Variants in ABAT observed in about 807,000 individuals in gnomAD.
ABAT encodes 4-aminobutyrate aminotransferase, mitochondrial.
ABAT carries 45 observed loss-of-function variants against 64.6 expected under a neutral mutation model. The ratio of observed to expected loss-of-function variants is 0.70; its 90% CI spans 0.55 to 0.89. The LOEUF (loss-of-function observed/expected upper bound fraction) is 0.89, where lower values mean the gene tolerates loss of function less well. Ranked by LOEUF, ABAT falls within the 40% of genes least tolerant of loss-of-function variation. ABAT has a pLI of 0.00. For synonymous variants in ABAT, 297 were observed against 250.5 expected (o/e 1.19, Z -1.75); for missense variants, 633 against 658.4 (o/e 0.96, Z 0.42).
At chr16:8,721,857 A>T (rs1271047255) in intron 1 of ABAT, among the ~76,000 whole-genome samples, 1 of 152,202 alleles carries the variant, frequency 6.6e-6, no homozygotes, top group East Asian at 1.9e-4. Context: ...CATTTTAATC[A>T]AAAGAAAAAG....
intron 1 of ABAT, among the ~76,000 whole-genome samples, chr16:8,688,186 C>A (rs201529015): frequency 6.6e-6 from 1 of 151,950 alleles, no homozygotes; most frequent in Non-Finnish European, 1.5e-5. Context: ...CCACCGCACC[C>A]GGCCAAAAGT....
At chr16:8,744,158 CA>C (rs948990149) in intron 2 of ABAT, among the ~76,000 whole-genome samples, 1 of 150,422 alleles carries the variant, frequency 6.6e-6, no homozygotes, top group East Asian at 1.9e-4. Context: ...CGCAATGCTA[CA>C]AAAAAAAATA....
At chr16:8,757,051 C>T in intron 5 of ABAT, 1 of 405,590 alleles carries the variant, frequency 2.5e-6, no homozygotes, top group South Asian at 1.8e-5. Flanking sequence ...AGATTTGACT[C>T]AGCCCATGGG....
chr16:8,722,936 G>T, intron 1 of ABAT: 1 of 1,168,856 alleles, frequency 8.6e-7, no homozygotes, highest in South Asian at 1.3e-5. Flanking sequence ...GTCCGAACGG[G>T]CCTTAGAAAC....
chr16:8,742,376 A>G (rs2059188321), intron 2 of ABAT, among the ~76,000 whole-genome samples: 1 of 152,196 alleles, frequency 6.6e-6, no homozygotes, highest in Non-Finnish European at 1.5e-5. Context: ...AAAAGAAAGG[A>G]GGACGCGTGT....
At chr16:8,699,865 G>A (rs1448372267) in intron 1 of ABAT, among the ~76,000 whole-genome samples, 1 of 152,072 alleles carries the variant, frequency 6.6e-6, no homozygotes, top group African/African-American at 2.4e-5. Flanking sequence ...CCAGGCTGGA[G>A]TGCAGTGGCA....
chr16:8,764,114 A>G lies in ABAT; in HGVS notation c.412A>G (p.Asn138Asp). The G allele has an allele frequency of 6.2e-7, 1 of 1,612,794 alleles. No homozygotes were observed. Among genetic ancestry groups the G allele is most frequent in the Non-Finnish European group, 8.5e-7 (1 of 1,179,862 alleles). Residue 138 changes from asparagine to aspartate, a missense_variant, in exon 7 of 16, where the codon AAC (asparagine) becomes GAC (aspartate). Physicochemically the swap from Asn to Asp is conservative, Grantham distance 23. Transcript: ENST00000268251. This position sits in a 1 kb window ranked among gnomAD's most constrained non-coding sequence, Gnocchi z 4.2. ...CGCCCTCGGAATCCTGCCTCCGGAG[A>G]ACTTTGTGGAGAAGCTCCGGCAGTC... is the stretch of plus-strand genomic sequence containing the variant. Reference protein sequence around the residue: ...RPALGILPPENFVEKLRQSLL... With the variant: ...RPALGILPPEDFVEKLRQSLL...
rs1158005000 is a variant in ABAT at position 8,700,108 on chromosome 16, A to G, written c.-42+25397A>G. Among the ~76,000 whole-genome samples, 2 of 152,074 alleles carry G rather than the reference A, an allele frequency of 1.3e-5. 1 individual carries two copies. The highest frequency in any genetic ancestry group is 2.9e-5 in the Non-Finnish European group (2 of 67,998). Reference sequence around the variant, plus strand: ...AGTGCTGGGATTACAGGTGTGAGCCACCATGCCCAGCCTGCAGTGAGTAGT... The same window carrying G: ...AGTGCTGGGATTACAGGTGTGAGCCGCCATGCCCAGCCTGCAGTGAGTAGT... On this transcript the variant is annotated intron_variant, in intron 1 of 15. Coordinates refer to ENST00000268251, the MANE Select transcript of ABAT (RefSeq NM_020686.6).
At chr16:8,712,641 G>T (rs1391207853) in intron 1 of ABAT, among the ~76,000 whole-genome samples, 1 of 152,082 alleles carries the variant, frequency 6.6e-6, no homozygotes, top group African/African-American at 2.4e-5. Flanking sequence ...CCCTTGTTCT[G>T]CCCCGATTTG....
intron 1 of ABAT, among the ~76,000 whole-genome samples, chr16:8,719,290 C>G (rs2058298399): frequency 6.6e-6 from 1 of 152,214 alleles, no homozygotes; most frequent in African/African-American, 2.4e-5. Flanking sequence ...CCTTTCTAAG[C>G]CAATTCCATT....
intron 1 of ABAT, among the ~76,000 whole-genome samples, chr16:8,678,309 C>A (rs1273742140): frequency 6.6e-6 from 1 of 152,192 alleles, no homozygotes; most frequent in Non-Finnish European, 1.5e-5. Flanking sequence ...CTTCCCAAAG[C>A]ACTGGGGTTA....
rs28759346 is a variant in ABAT at position 8,766,647 on chromosome 16, T to C, written c.603+377T>C. Among the ~76,000 whole-genome samples the C allele has an allele frequency of 9.3e-3, 1,327 of 143,192 alleles. 18 individuals carry two copies. The highest frequency in any genetic ancestry group is 0.033 in the African/African-American group (1,273 of 38,156). The allele number at this position is 143,192 out of a possible 152,430, so 93.9% of individuals were successfully genotyped here. On this transcript the variant is annotated intron_variant, in intron 9 of 15. Coordinates refer to ENST00000268251, the MANE Select transcript of ABAT (RefSeq NM_020686.6). ...TCCAGCCTGGGTGACAGAGTGAGAC[T>C]CCTCTCAAAACAAACAAAAAAACAA...
chr16:8,726,022 C>T (rs1243125060), intron 1 of ABAT, among the ~76,000 whole-genome samples: 1 of 151,980 alleles, frequency 6.6e-6, no homozygotes, highest in Non-Finnish European at 1.5e-5. Context: ...AACACAGACC[C>T]TTCTATTCTT....
chr16:8,713,996 G>T, intron 1 of ABAT: 1 of 437,928 alleles, frequency 2.3e-6, no homozygotes, highest in South Asian at 1.6e-5. Flanking sequence ...GGTCGGGGGG[G>T]CACACACCCT....
In ABAT at chr16:8,776,748, TA is replaced by T. The variant is rs2060276349; in HGVS notation, c.1269+259del. Among the ~76,000 whole-genome samples the T allele has an allele frequency of 6.6e-6, 1 of 152,310 alleles. No homozygotes were observed. Among genetic ancestry groups the T allele is most frequent in the East Asian group, 1.9e-4 (1 of 5,184 alleles). Reference sequence around the variant, plus strand: ...TTGTTGTTTTTTTTAATTTATTTTTTATTTTTTTAATATTGAGACATGGTCA... The same window carrying T: ...TTGTTGTTTTTTTTAATTTATTTTTTTTTTTTTAATATTGAGACATGGTCA... On this transcript the variant is annotated intron_variant, in intron 14 of 15. Coordinates refer to ENST00000268251, the MANE Select transcript of ABAT (RefSeq NM_020686.6). The surrounding 1 kb of genome is among the most constrained non-coding windows in gnomAD (Gnocchi z 4.4).
At chr16:8,740,967 G>T (rs1434919854) in intron 2 of ABAT, among the ~76,000 whole-genome samples, 1 of 152,226 alleles carries the variant, frequency 6.6e-6, no homozygotes, top group African/African-American at 2.4e-5. Context: ...CATGTACAGA[G>T]CTTTGGCTGT....
intron 1 of ABAT, among the ~76,000 whole-genome samples, chr16:8,712,446 G>A (rs955402004): frequency 2.0e-5 from 3 of 152,096 alleles, no homozygotes; most frequent in South Asian, 2.1e-4. Flanking sequence ...AAATTCTTTC[G>A]GCTTTGCTGT....
intron 2 of ABAT, among the ~76,000 whole-genome samples, chr16:8,741,325 G>C (rs562433780): frequency 8.5e-5 from 13 of 152,302 alleles, no homozygotes; most frequent in African/African-American, 2.9e-4. Context: ...TCATTCAAAG[G>C]CTAGCACTCG....
intron 1 of ABAT, among the ~76,000 whole-genome samples, chr16:8,682,989 T>A (rs2057370496): frequency 6.6e-6 from 1 of 152,224 alleles, no homozygotes; most frequent in South Asian, 2.1e-4. Flanking sequence ...AGGGATAGCT[T>A]TGCTGATAAG....
Sources: gnomAD v4.1 joint callset for allele counts (sites outside exome capture counted in the v4.1 genomes callset) on GRCh38, gnomAD v4.1.1 for gene constraint, Gnocchi (gnomAD v3.1) non-coding constraint, MANE v1.5 for transcripts, NCBI Gene and HGNC (gene_info 2026-07-23, HGNC 2026-07-21) for gene names.